The following SAR1B variants were observed in gnomAD, a reference collection of about 807,000 sequenced individuals.
SAR1B encodes the protein secretion associated Ras related GTPase 1B, also known as small COPII coat GTPase SAR1B.
SAR1B carries 23 observed loss-of-function variants against 26.8 expected under a neutral mutation model. The ratio of observed to expected loss-of-function variants is 0.86; its 90% CI spans 0.62 to 1.22. The LOEUF is 1.22. SAR1B is among the 50% of genes most tolerant of loss of function. The pLI is 0.00. For missense variants in SAR1B, 196 were observed against 232.8 expected (o/e 0.84, Z 1.03); for synonymous variants, 65 against 80.8 (o/e 0.80, Z 1.05).
chr5:134,614,210 T>C (rs1561785480), intron 3 of SAR1B: 1 of 152,144 alleles, frequency 6.6e-6, no homozygotes. Context: ...TTTCTAGAAG[T>C]TTCATTTGAT....
At chr5:134,620,365 ATT>A (rs1318887564) in intron 3 of SAR1B, among the ~76,000 whole-genome samples, 1 of 152,140 alleles carries the variant, frequency 6.6e-6, no homozygotes, top group Non-Finnish European at 1.5e-5. Context: ...ATGGTGGACT[ATT>A]TACCAATCAT....
At chr5:134,615,692 C>T (rs1429929491) in intron 3 of SAR1B, among the ~76,000 whole-genome samples, 2 of 151,262 alleles carry the variant, frequency 1.3e-5, no homozygotes, top group Non-Finnish European at 2.9e-5. Context: ...TGGCAGGCGC[C>T]TGTAGTCCCA....
intron 1 of SAR1B, among the ~76,000 whole-genome samples, chr5:134,628,858 C>G (rs371807007): frequency 1.7e-4 from 26 of 152,040 alleles, no homozygotes; most frequent in African/African-American, 6.0e-4. Flanking sequence ...GTTTCACCAT[C>G]TTAGCCAGGC....
rs1277461209 is a variant in SAR1B at position 134,609,599 on chromosome 5, C to T, written c.320G>A (p.Arg107Lys). Residue 107 changes from arginine (R) to lysine (K), a missense_variant, in exon 5 of 7, where the codon AGG becomes AAG. Arg to Lys is a conservative substitution (Grantham distance 26, BLOSUM62 2). Coordinates refer to ENST00000402673, the MANE Select transcript of SAR1B (RefSeq NM_016103.4). ...AAGTTCTTCTTTTGACTCTAACAGCCTTTCGTGGTCTGCACAATCCACCAG... is the reference window on the plus strand; with the variant it reads ...AAGTTCTTCTTTTGACTCTAACAGCTTTTCGTGGTCTGCACAATCCACCAG... ...VFLVDCADHE[R>K]LLESKEELDS... 5 of 1,613,968 alleles carry T rather than the reference C, an allele frequency of 3.1e-6. No homozygotes were observed. Among genetic ancestry groups the T allele is most frequent in the African/African-American group, 1.3e-5 (1 of 74,922 alleles).
At chr5:134,622,714 C>A (rs1256116486) in intron 2 of SAR1B, among the ~76,000 whole-genome samples, 4 of 150,958 alleles carry the variant, frequency 2.6e-5, no homozygotes, top group African/African-American at 9.7e-5. Flanking sequence ...CCGGCCTTAA[C>A]TATTCTTAAC....
chr5:134,629,762 T>C (rs1765566166), intron 1 of SAR1B, among the ~76,000 whole-genome samples: 1 of 151,238 alleles, frequency 6.6e-6, no homozygotes, highest in African/African-American at 2.4e-5. Context: ...GGTAGGCACC[T>C]GTAGTTCCAT....
intron 2 of SAR1B, among the ~76,000 whole-genome samples, chr5:134,623,519 A>AAAG (rs1765448243): frequency 6.6e-6 from 1 of 151,560 alleles, no homozygotes; most frequent in Non-Finnish European, 1.5e-5. Context: ...AAAAAAAAAA[A>AAAG]AAGAACTGCT....
chr5:134,628,200 A>T (rs1370290735), intron 1 of SAR1B, among the ~76,000 whole-genome samples: 1 of 152,106 alleles, frequency 6.6e-6, no homozygotes, highest in Non-Finnish European at 1.5e-5. Context: ...GCAACGTGGA[A>T]AAACCCCATT....
At chr5:134,607,961 G>C (rs1245674133) in intron 6 of SAR1B, among the ~76,000 whole-genome samples, 1 of 152,052 alleles carries the variant, frequency 6.6e-6, no homozygotes, top group Non-Finnish European at 1.5e-5. Flanking sequence ...CCGTCTTAAA[G>C]CTTATTATAA....
At chr5:134,627,520 C>T (rs1166927238) in intron 1 of SAR1B, among the ~76,000 whole-genome samples, 2 of 150,740 alleles carry the variant, frequency 1.3e-5, no homozygotes, top group South Asian at 2.1e-4. Flanking sequence ...TAAAACCGGC[C>T]GGGCGTGGTG....
rs961069976 is a variant in SAR1B, at chr5:134,601,843, C to T, written c.*5107G>A. On this transcript the variant is annotated 3_prime_UTR_variant, in exon 7 of 7. Transcript: ENST00000402673. Reference sequence around the variant, plus strand: ...GGTGGATCACGTGAGGTCAGAAGTTCGACAAGCCTGGACAACATGGTGAAA... The same window carrying T: ...GGTGGATCACGTGAGGTCAGAAGTTTGACAAGCCTGGACAACATGGTGAAA... 2 of 152,150 alleles carry T rather than the reference C, an allele frequency of 1.3e-5. No individual in the cohort carries two copies. Among genetic ancestry groups the T allele is most frequent in the Non-Finnish European group, 2.9e-5 (2 of 68,050 alleles). 9.4% of individuals were successfully genotyped at this position (152,150 alleles called of 1,614,324 possible).
Position 134,631,439 on chromosome 5 carries a change from A to T in SAR1B, c.-19+1289T>A, listed in dbSNP as rs1028975633. Among the ~76,000 whole-genome samples the T allele has an allele frequency of 2.0e-5, 3 of 152,180 alleles. No homozygotes were observed. The South Asian group carries it at 6.2e-4, about 31-fold the overall frequency. ...CACCACCATTTATTTGTCATCTGTA[A>T]AATGACAGCTAGTGCCTTACTCATA... On this transcript the variant is annotated intron_variant, in intron 1 of 6. Transcript: ENST00000402673.
In SAR1B at chr5:134,609,639, T is replaced by G. The variant is rs755835349; in HGVS notation, c.280A>C (p.Asn94His). Residue 94 changes from asparagine to histidine, a missense_variant, in exon 5 of 7, where the codon AAT becomes CAT. Coordinates refer to ENST00000402673, the MANE Select transcript of SAR1B (RefSeq NM_016103.4). ...RVWKNYLPAINGIVFLVDCAD... is the reference protein window; with the variant it reads ...RVWKNYLPAIHGIVFLVDCAD... Reference sequence around the variant, plus strand: ...CAATCCACCAGAAATACAATGCCATTGATAGCAGGAAGGTAGTTTTTCCAC... The same window carrying G: ...CAATCCACCAGAAATACAATGCCATGGATAGCAGGAAGGTAGTTTTTCCAC... The G allele has an allele frequency of 1.2e-5, 20 of 1,614,024 alleles. No homozygotes were observed. Among genetic ancestry groups the G allele is most frequent in the Non-Finnish European group, 1.7e-5 (20 of 1,180,014 alleles).
rs181525923 is a variant in SAR1B, at chr5:134,622,195, A to G, written c.59-1143T>C. Reference sequence around the variant, plus strand: ...ACACTTACTCCTTTGTCCATGCTTAAGTCTAAGAAGTAAATTGTTTGATGT... The same window carrying G: ...ACACTTACTCCTTTGTCCATGCTTAGGTCTAAGAAGTAAATTGTTTGATGT... On this transcript the variant is annotated intron_variant, in intron 2 of 6. Coordinates refer to ENST00000402673, the MANE Select transcript of SAR1B (RefSeq NM_016103.4). Among the ~76,000 whole-genome samples, 428 of 152,316 alleles carry G rather than the reference A, an allele frequency of 2.8e-3. 1 individual carries two copies. The highest frequency in any genetic ancestry group is 5.8e-3 in the South Asian group (28 of 4,828).
At chr5:134,619,285 C>T (rs1025307862) in intron 3 of SAR1B, among the ~76,000 whole-genome samples, 1 of 150,046 alleles carries the variant, frequency 6.7e-6, no homozygotes, top group Non-Finnish European at 1.5e-5. Flanking sequence ...GAGCCGAGAT[C>T]GTGCCATTGC....
At chr5:134,627,334 A>T (rs967759334) in intron 1 of SAR1B, among the ~76,000 whole-genome samples, 1 of 148,118 alleles carries the variant, frequency 6.8e-6, no homozygotes, top group African/African-American at 2.5e-5. Flanking sequence ...TACAGGCGTG[A>T]GCCACCGCGC....
At chr5:134,627,272 C>T (rs886952880) in intron 1 of SAR1B, among the ~76,000 whole-genome samples, 2 of 151,398 alleles carry the variant, frequency 1.3e-5, no homozygotes, top group African/African-American at 4.8e-5. Context: ...AGGATGGTCT[C>T]GATCTCCTGA....
Position 134,608,594 on chromosome 5 carries a change from T to C in SAR1B, c.349-91A>G. The C allele has an allele frequency of 2.9e-6, 4 of 1,361,204 alleles. No homozygotes were observed. In the South Asian group the frequency reaches 4.9e-5, roughly 17 times the overall value. The allele number at this position is 1,361,204 out of a possible 1,614,324, so 84.3% of individuals were successfully genotyped here. A position where few individuals can be genotyped will look rare whatever the true frequency, so the allele number is the denominator to read the frequency against. ...ATGATAAAACAATAAAGGACTCATT[T>C]TCTACCATATCATGTCATACCAACG... On this transcript the variant is annotated intron_variant, in intron 5 of 6. Transcript: ENST00000402673.
chr5:134,619,972 C>A (rs1765378040), intron 3 of SAR1B, among the ~76,000 whole-genome samples: 1 of 151,822 alleles, frequency 6.6e-6, no homozygotes, highest in South Asian at 2.1e-4. Context: ...CAGAGCAAGA[C>A]CCTGTCTCTA....
Sources: allele counts gnomAD v4.1 joint callset (sites outside exome capture counted in the v4.1 genomes callset), GRCh38; gene constraint gnomAD v4.1.1; transcripts MANE v1.5; gene names NCBI Gene and HGNC (gene_info 2026-07-23, HGNC 2026-07-21).